TSPAN18: variants seen among roughly 807,000 people sequenced by gnomAD.
The protein encoded by TSPAN18 is tetraspanin-18.
In TSPAN18, 14 loss-of-function variants were observed where a neutral mutation model predicts 27.3. That is an observed-to-expected ratio of 0.51 (90% CI 0.34 to 0.80). TSPAN18 has a LOEUF of 0.80. Ranked by LOEUF, TSPAN18 falls within the 30% of genes least tolerant of loss-of-function variation. The pLI is 0.01. For missense variants in TSPAN18, 268 were observed against 323.9 expected, an observed-to-expected ratio of 0.83 and a Z score of 1.32; for synonymous variants, 143 against 136.5, an observed-to-expected ratio of 1.05 and a Z score of -0.33.
At chr11:44,913,366 A>G (rs1859793465) in intron 5 of TSPAN18, among the ~76,000 whole-genome samples, 2 of 152,200 alleles carry the variant, frequency 1.3e-5, no homozygotes, top group Admixed American at 1.3e-4. Flanking sequence ...CTAAAGGTCC[A>G]TTTCCCAAAT....
At chr11:44,838,689 G>A (rs139081615) in intron 2 of TSPAN18, among the ~76,000 whole-genome samples, 2 of 152,310 alleles carry the variant, frequency 1.3e-5, no homozygotes, top group East Asian at 1.9e-4. Flanking sequence ...AAAGACCCAT[G>A]AGTCAAGGAA....
At chr11:44,735,917 C>T (rs1212919568) in intron 1 of TSPAN18, among the ~76,000 whole-genome samples, 1 of 152,142 alleles carries the variant, frequency 6.6e-6, no homozygotes, top group Non-Finnish European at 1.5e-5. Flanking sequence ...AGCGCCCAGC[C>T]ATGACCTCCT....
chr11:44,883,436 C>T (rs369358168), intron 3 of TSPAN18, among the ~76,000 whole-genome samples: 2 of 152,194 alleles, frequency 1.3e-5, no homozygotes, highest in African/African-American at 4.8e-5. Flanking sequence ...CATAACAGCG[C>T]GTGCTTCTTT....
At chr11:44,811,125 AACACACACACACACACACACACACACAC>A (rs61153202) in intron 2 of TSPAN18, among the ~76,000 whole-genome samples, 1 of 142,486 alleles carries the variant, frequency 7.0e-6, no homozygotes, top group Admixed American at 7.0e-5. Context: ...CTGGAGTTTT[AACACACACACACACACACACACACACAC>A]ACACACACAC....
At chr11:44,929,104 G>C in intron 9 of TSPAN18, 27 bp from the exon 10 acceptor site, 1 of 1,612,774 alleles carries the variant, frequency 6.2e-7, no homozygotes, top group Non-Finnish European at 8.5e-7. Flanking sequence ...TGATAAGCCA[G>C]TTCCTGCTCT....
intron 2 of TSPAN18, among the ~76,000 whole-genome samples, chr11:44,801,438 C>A (rs982138591): frequency 1.3e-5 from 2 of 152,198 alleles, no homozygotes; most frequent in South Asian, 2.1e-4. Flanking sequence ...ATAGGTATCT[C>A]CTTATCTGCC....
At chr11:44,875,016 T>C (rs1858292103) in intron 3 of TSPAN18, among the ~76,000 whole-genome samples, 1 of 152,198 alleles carries the variant, frequency 6.6e-6, no homozygotes, top group South Asian at 2.1e-4. Context: ...CAAGACCCAC[T>C]TCCCCTGCTC....
intron 5 of TSPAN18, chr11:44,917,552 T>G (rs1590688826): frequency 6.4e-6 from 1 of 156,370 alleles, no homozygotes; most frequent in Non-Finnish European, 1.4e-5. Flanking sequence ...GCTGGCAGGG[T>G]GGGGAAATCC....
rs946629781 is a variant in TSPAN18, at chr11:44,931,552, T to A, written c.*2374T>A. The A allele has an allele frequency of 6.6e-6, 1 of 152,332 alleles. No homozygotes were observed. The highest frequency in any genetic ancestry group is 6.5e-5 in the Admixed American group (1 of 15,286). 9.4% of individuals were successfully genotyped at this position (152,332 alleles called of 1,614,324 possible). A position where few individuals can be genotyped will look rare whatever the true frequency, so the allele number is the denominator to read the frequency against. ...TTTCTACAAATGTGCCAAGGAACCC[T>A]CAATCAGCCCTGATTCAGCTCGCCA... On this transcript the variant is annotated 3_prime_UTR_variant, in exon 10 of 10. Coordinates refer to ENST00000520358, the MANE Select transcript of TSPAN18 (RefSeq NM_130783.5).
At chr11:44,762,333 A>G (rs1341772366) in intron 1 of TSPAN18, among the ~76,000 whole-genome samples, 3 of 152,254 alleles carry the variant, frequency 2.0e-5, no homozygotes, top group African/African-American at 7.2e-5. Context: ...TGGACATGAT[A>G]TCATTGACAA....
chr11:44,878,778 G>C (rs924275540), intron 3 of TSPAN18, among the ~76,000 whole-genome samples: 4 of 152,212 alleles, frequency 2.6e-5, no homozygotes, highest in Admixed American at 1.3e-4. Flanking sequence ...GAGATTTATA[G>C]TCAAATGTGC....
At position 44,926,769 on chromosome 11, in the gene TSPAN18, C is replaced by T; in HGVS notation, c.699+12C>T. ...TACTGGCCATCGAGGTAAGTAAAGGCCCCCACTTCTGCCGCTCCCCAGGAT... is the reference window on the plus strand; with the variant it reads ...TACTGGCCATCGAGGTAAGTAAAGGTCCCCACTTCTGCCGCTCCCCAGGAT... On this transcript the variant is annotated intron_variant, in intron 9 of 9. Transcript: ENST00000520358. 1.2e-6 allele frequency: 2 copies of T among 1,613,570 alleles called. No individual in the cohort carries two copies. The highest frequency in any genetic ancestry group is 1.1e-5 in the South Asian group (1 of 91,088).
chr11:44,802,371 T>C (rs894320660), intron 2 of TSPAN18, among the ~76,000 whole-genome samples: 1 of 151,912 alleles, frequency 6.6e-6, no homozygotes, highest in Non-Finnish European at 1.5e-5. Flanking sequence ...TGGTGGGGGC[T>C]GCAGGGCCTT....
At chr11:44,921,563 C>G (rs1860136615) in intron 8 of TSPAN18, among the ~76,000 whole-genome samples, 1 of 152,112 alleles carries the variant, frequency 6.6e-6, no homozygotes, top group African/African-American at 2.4e-5. Context: ...AGTGCTGTGC[C>G]CACCCCTCCT....
chr11:44,731,633 T>TGTGTGTGTGA (rs139154582), intron 1 of TSPAN18, among the ~76,000 whole-genome samples: 3 of 107,384 alleles, frequency 2.8e-5, no homozygotes, highest in Non-Finnish European at 5.6e-5. Flanking sequence ...TGTGTGTGTG[T>TGTGTGTGTGA]GAGAGAGAGA....
At chr11:44,924,098 T>TGTGTGC (rs1491492764) in intron 8 of TSPAN18, among the ~76,000 whole-genome samples, 6 of 3,810 alleles carry the variant, frequency 1.6e-3, no homozygotes, top group African/African-American at 9.0e-3. Flanking sequence ...CTTCTGGGGT[T>TGTGTGC]GTGTGTGTGT....
At chr11:44,882,970 C>G (rs1320000922) in intron 3 of TSPAN18, among the ~76,000 whole-genome samples, 5 of 152,220 alleles carry the variant, frequency 3.3e-5, no homozygotes, top group Admixed American at 3.3e-4. Flanking sequence ...ACAGAGGGCA[C>G]TTTCCTGGGT....
intron 4 of TSPAN18, among the ~76,000 whole-genome samples, chr11:44,906,703 T>G (rs1251959300): frequency 6.6e-6 from 1 of 152,078 alleles, no homozygotes; most frequent in Non-Finnish European, 1.5e-5. Flanking sequence ...GGCCCTGGGG[T>G]GGGTCAGCCC....
At chr11:44,845,354 G>C (rs995997271) in intron 2 of TSPAN18, among the ~76,000 whole-genome samples, 1 of 152,222 alleles carries the variant, frequency 6.6e-6, no homozygotes, top group African/African-American at 2.4e-5. Context: ...TCGATGAAAG[G>C]TGATACTGCG....
Sources: allele counts gnomAD v4.1 joint callset (sites outside exome capture counted in the v4.1 genomes callset), GRCh38; gene constraint gnomAD v4.1.1; transcripts MANE v1.5; gene names NCBI Gene and HGNC (gene_info 2026-07-23, HGNC 2026-07-21).